Variants in TNN observed in about 807,000 individuals in gnomAD.
TNN encodes the protein tenascin-N.
A neutral mutation model predicts 134.4 loss-of-function variants in TNN; 122 were observed. The observed-to-expected ratio is 0.91, with a 90% CI of 0.78 to 1.06. The LOEUF (loss-of-function observed/expected upper bound fraction) is 1.06, where lower values mean the gene tolerates loss of function less well. TNN is among the 50% of genes least tolerant of loss of function. The pLI, the probability that TNN is intolerant of heterozygous loss-of-function variation, is 0.00. For missense variants in TNN, 1,739 were observed against 1,699.4 expected (o/e 1.02, Z -0.41); for synonymous variants, 710 against 670.3 (o/e 1.06, Z -0.91).
chr1:175,091,810 G>A lies in TNN; in HGVS notation c.1325-2180G>A, dbSNP rs188823742. On this transcript the variant is annotated intron_variant, in intron 6 of 18. Transcript: ENST00000239462. ...TTGCCATGTTGGCCAGGCTAGTCTC[G>A]AACTCCTGGCCTCAAGTGATCCACC... 7.9e-5 allele frequency among the ~76,000 whole-genome samples: 12 copies of A among 152,110 alleles called. No homozygotes were observed. The East Asian group carries it at 2.3e-3, about 29-fold the overall frequency.
rs747487606 is a variant in TNN at position 175,080,169 on chromosome 1, C to A, written c.791C>A (p.Thr264Asn). 190 of 1,613,794 alleles carry A rather than the reference C, an allele frequency of 1.2e-4. No homozygotes were observed. The highest frequency in any genetic ancestry group is 1.1e-3 in the Admixed American group (65 of 60,018). ...FTGLDCAQVV[T>N]PQGLQLLKNT... ...GTTCCTGTTCTGCCTGCAGTGGTCA[C>A]CCCACAGGGCCTGCAGCTGCTCAAG... The change falls in exon 4 of 19, where the codon ACC (threonine) becomes AAC (asparagine). Residue 264 changes from threonine (T) to asparagine (N), a missense_variant. By Grantham distance (65) the Thr-to-Asn change is moderately conservative. Coordinates refer to ENST00000239462, the MANE Select transcript of TNN (RefSeq NM_022093.2).
intron 12 of TNN, among the ~76,000 whole-genome samples, chr1:175,125,392 A>T (rs1043545318): frequency 1.3e-5 from 2 of 151,146 alleles, no homozygotes; most frequent in Non-Finnish European, 2.9e-5. Flanking sequence ...CTGACCAGTG[A>T]TGTTGACCAG....
At chr1:175,119,807 T>C (rs1401445388) in intron 11 of TNN, among the ~76,000 whole-genome samples, 1 of 151,804 alleles carries the variant, frequency 6.6e-6, no homozygotes, top group African/African-American at 2.4e-5. Context: ...GCTAATTTTG[T>C]TTTTGTATTT....
At position 175,090,027 on chromosome 1, in the gene TNN, C is replaced by T. The variant is rs74904442; in HGVS notation, c.1325-3963C>T. 3.0e-3 allele frequency among the ~76,000 whole-genome samples: 451 copies of T among 152,280 alleles called. 2 individuals carry two copies. The highest frequency in any genetic ancestry group is 2.9e-3 in the Non-Finnish European group (200 of 68,038). On this transcript the variant is annotated intron_variant, in intron 6 of 18. Transcript: ENST00000239462. ...CAACAGCAACAATCTCTATCATTTG[C>T]GCGATCACTGTATTCTAGTGGGCTT...
intron 6 of TNN, among the ~76,000 whole-genome samples, chr1:175,091,569 TTA>T (rs1558353525): frequency 0.017 from 2,557 of 147,294 alleles, 42 homozygotes; most frequent in South Asian, 0.083. Context: ...TTTTATTTAT[TTA>T]TTTATTTATT....
intron 10 of TNN, 93 bp downstream of exon 10, chr1:175,117,298 C>A: frequency 6.3e-7 from 1 of 1,579,494 alleles, no homozygotes. Flanking sequence ...TGGCAGAAGT[C>A]AATGATTAAT....
At chr1:175,141,724 G>A (rs1022113885) in intron 17 of TNN, among the ~76,000 whole-genome samples, 3 of 152,174 alleles carry the variant, frequency 2.0e-5, no homozygotes, top group Non-Finnish European at 4.4e-5. Context: ...GGGAGAGTGG[G>A]CCTCAGAGGG....
chr1:175,093,311 T>A (rs1674495396), intron 6 of TNN, among the ~76,000 whole-genome samples: 1 of 152,254 alleles, frequency 6.6e-6, no homozygotes, highest in African/African-American at 2.4e-5. Context: ...GCTCAGGATA[T>A]GTTCTTGGGA....
chr1:175,090,068 CT>C (rs564960685), intron 6 of TNN, among the ~76,000 whole-genome samples: 2 of 152,228 alleles, frequency 1.3e-5, no homozygotes, highest in South Asian at 4.2e-4. Flanking sequence ...TATTGTGAGA[CT>C]TTGTAAATAT....
chr1:175,126,995 G>A lies in TNN; in HGVS notation c.2955G>A (p.Thr985=), dbSNP rs757981619. The A allele has an allele frequency of 7.4e-6, 12 of 1,613,876 alleles. 1 individual carries two copies. Among genetic ancestry groups the A allele is most frequent in the East Asian group, 6.7e-5 (3 of 44,890 alleles). Residue 985 remains threonine (T), a synonymous_variant, in exon 13 of 19, where the codon ACG becomes ACA. Coordinates refer to ENST00000239462, the MANE Select transcript of TNN (RefSeq NM_022093.2). ...PPRNLRPSAV[T]QSGGILTWTP... is the part of the protein sequence containing the mutation. ...GAAACCTTCGTCCATCTGCTGTAAC[G>A]CAGTCTGGTGGCATATTGACCTGGA... is the stretch of plus-strand genomic sequence containing the variant.
chr1:175,146,650 C>G (rs1040515822), intron 18 of TNN, among the ~76,000 whole-genome samples: 1 of 152,086 alleles, frequency 6.6e-6, no homozygotes, highest in African/African-American at 2.4e-5. Context: ...TCACCCAGCT[C>G]CCGGGCTCAC....
chr1:175,100,757 A>G (rs11583729), intron 9 of TNN, among the ~76,000 whole-genome samples: 36,179 of 152,098 alleles, frequency 0.24, 4,645 homozygotes, highest in African/African-American at 0.33. Flanking sequence ...GTATGGAGGA[A>G]CATAATTTCT....
At chr1:175,136,760 T>A in intron 16 of TNN, 61 bp from the exon 17 acceptor site, 2 of 1,525,094 alleles carry the variant, frequency 1.3e-6, no homozygotes, top group Non-Finnish European at 1.8e-6. Flanking sequence ...GACACACATG[T>A]TGAGTGCTTA....
chr1:175,121,033 T>G (rs954179054), intron 11 of TNN, among the ~76,000 whole-genome samples: 1 of 152,186 alleles, frequency 6.6e-6, no homozygotes, highest in Non-Finnish European at 1.5e-5. Flanking sequence ...TCCTCCTGCC[T>G]CGGCTTCCCA....
At chr1:175,080,887 G>A (rs1400858764) in intron 4 of TNN, among the ~76,000 whole-genome samples, 1 of 152,214 alleles carries the variant, frequency 6.6e-6, no homozygotes, top group African/African-American at 2.4e-5. Flanking sequence ...ACAAAGGTGT[G>A]GGTAGGGGTT....
intron 6 of TNN, among the ~76,000 whole-genome samples, chr1:175,093,000 A>G (rs1171222987): frequency 6.6e-6 from 1 of 152,204 alleles, no homozygotes; most frequent in Non-Finnish European, 1.5e-5. Flanking sequence ...TAGAGTGAGT[A>G]TTCTCCTCAG....
chr1:175,072,370 T>G (rs1558344779), intron 1 of TNN, among the ~76,000 whole-genome samples: 1 of 152,352 alleles, frequency 6.6e-6, no homozygotes, highest in East Asian at 1.9e-4. Flanking sequence ...ATTTCCTGCA[T>G]GTAAATGCCC....
At chr1:175,120,730 C>A (rs1675328950) in intron 11 of TNN, among the ~76,000 whole-genome samples, 1 of 146,268 alleles carries the variant, frequency 6.8e-6, no homozygotes, top group Non-Finnish European at 1.5e-5. Flanking sequence ...CTGTGCCCAG[C>A]TTTACTTTGG....
chr1:175,144,425 A>C lies in TNN; in HGVS notation c.3634A>C (p.Thr1212Pro). The C allele has an allele frequency of 6.2e-7, 1 of 1,614,118 alleles. No homozygotes were observed. Among genetic ancestry groups the C allele is most frequent in the Non-Finnish European group, 8.5e-7 (1 of 1,180,008 alleles). ...TTACCACAATGGATGGAAGTTTACA[A>C]CTTTTGACAGAGACAATGATATCGC... ...LTYHNGWKFT[T>P]FDRDNDIALS... The change falls in exon 18 of 19, where the codon ACT (threonine) becomes CCT (proline). Residue 1212 changes from threonine to proline, a missense_variant. Coordinates refer to ENST00000239462, the MANE Select transcript of TNN (RefSeq NM_022093.2).
Sources: allele counts gnomAD v4.1 joint callset (sites outside exome capture counted in the v4.1 genomes callset), GRCh38; gene constraint gnomAD v4.1.1; transcripts MANE v1.5; gene names NCBI Gene and HGNC (gene_info 2026-07-23, HGNC 2026-07-21).